FHOD3: variants seen among roughly 807,000 people sequenced by gnomAD.
FHOD3 encodes FH1/FH2 domain-containing protein 3.
FHOD3 carries 90 observed loss-of-function variants against 173.0 expected under a neutral mutation model. The ratio of observed to expected loss-of-function variants is 0.52; its 90% confidence interval spans 0.44 to 0.62. The LOEUF (loss-of-function observed/expected upper bound fraction) is 0.62, where lower values mean the gene tolerates loss of function less well. Among genes scored for constraint, FHOD3 ranks in the 20% least tolerant of loss-of-function variants. The probability of loss-of-function intolerance (pLI) is 0.00; values close to 1 mark genes in which losing one functional copy is unlikely to be tolerated. For missense variants in FHOD3, 1,945 were observed against 2,034.7 expected, an observed-to-expected ratio of 0.96 and a Z score of 0.85; for synonymous variants, 828 against 823.0, an observed-to-expected ratio of 1.01 and a Z score of -0.10.
intron 13 of FHOD3, among the ~76,000 whole-genome samples, chr18:36,654,155 C>T (rs946176114): frequency 6.6e-6 from 1 of 152,168 alleles, no homozygotes; most frequent in African/African-American, 2.4e-5. Context: ...GCCTGTGTTT[C>T]GGGGACCCCA....
chr18:36,584,316 A>G (rs2058954660), intron 6 of FHOD3, among the ~76,000 whole-genome samples: 3 of 152,184 alleles, frequency 2.0e-5, no homozygotes, highest in South Asian at 4.1e-4. Flanking sequence ...ATGGCGTGAA[A>G]GATTGTTTGT....
chr18:36,413,224 G>A (rs929128799), intron 3 of FHOD3, among the ~76,000 whole-genome samples: 1 of 152,206 alleles, frequency 6.6e-6, no homozygotes, highest in African/African-American at 2.4e-5. Flanking sequence ...CCTTGGTGAT[G>A]GGTGGACAGC....
intron 1 of FHOD3, among the ~76,000 whole-genome samples, chr18:36,310,622 G>T (rs2092231414): frequency 6.6e-6 from 1 of 151,466 alleles, no homozygotes. Flanking sequence ...GGGAGGTGGA[G>T]GTTGCAGTGA....
intron 4 of FHOD3, among the ~76,000 whole-genome samples, chr18:36,509,450 AAAG>A (rs1192975140): frequency 2.1e-5 from 3 of 145,136 alleles, no homozygotes; most frequent in African/African-American, 5.0e-5. Context: ...AAGAAAAAAA[AAAG>A]AAAACAGTAT....
At chr18:36,684,899 C>T (rs2038502489) in intron 15 of FHOD3, among the ~76,000 whole-genome samples, 2 of 152,112 alleles carry the variant, frequency 1.3e-5, no homozygotes, top group African/African-American at 2.4e-5. Context: ...ACCTCCCAGG[C>T]TCAGGTGATC....
At chr18:36,491,330 A>G (rs972099577) in intron 3 of FHOD3, among the ~76,000 whole-genome samples, 1 of 152,176 alleles carries the variant, frequency 6.6e-6, no homozygotes, top group African/African-American at 2.4e-5. Flanking sequence ...ATACCCCCTC[A>G]ACCTTCTCCA....
chr18:36,623,647 C>A (rs1026893322), intron 9 of FHOD3, among the ~76,000 whole-genome samples: 4 of 152,184 alleles, frequency 2.6e-5, no homozygotes, highest in Non-Finnish European at 5.9e-5. Context: ...TTGCCTCAAA[C>A]CTCCCAAAAT....
At chr18:36,303,646 A>C (rs187856601) in intron 1 of FHOD3, among the ~76,000 whole-genome samples, 5 of 150,460 alleles carry the variant, frequency 3.3e-5, no homozygotes, top group Admixed American at 1.3e-4. Context: ...TCCATATTTT[A>C]TCTCTCTCTG....
intron 9 of FHOD3, among the ~76,000 whole-genome samples, chr18:36,623,852 A>C (rs771228960): frequency 3.9e-5 from 6 of 152,214 alleles, no homozygotes; most frequent in Non-Finnish European, 5.9e-5. Flanking sequence ...TCAGGTGCTG[A>C]TATGTCCCTG....
chr18:36,414,949 A>G (rs560787048), intron 3 of FHOD3, among the ~76,000 whole-genome samples: 2 of 152,154 alleles, frequency 1.3e-5, no homozygotes, highest in Non-Finnish European at 2.9e-5. Context: ...TCTCTAGGCC[A>G]TTTTCTTGGG....
chr18:36,683,330 C>T (rs972886391), intron 15 of FHOD3, among the ~76,000 whole-genome samples: 4 of 152,154 alleles, frequency 2.6e-5, no homozygotes, highest in African/African-American at 9.7e-5. Flanking sequence ...TAGCTTACAT[C>T]CAAAGTGTTT....
chr18:36,378,596 C>CAAAA (rs764259858), intron 3 of FHOD3, among the ~76,000 whole-genome samples: 10 of 111,276 alleles, frequency 9.0e-5, no homozygotes, highest in African/African-American at 2.1e-4. Flanking sequence ...CCCTCTGCCA[C>CAAAA]AAAAAAAAAA....
At chr18:36,303,866 T>G (rs907603769) in intron 1 of FHOD3, among the ~76,000 whole-genome samples, 10 of 152,024 alleles carry the variant, frequency 6.6e-5, no homozygotes, top group African/African-American at 2.4e-4. Flanking sequence ...AGAAGATTTT[T>G]GGGGGTGAAG....
At chr18:36,597,409 A>ATTGTTT (rs1489977142) in intron 7 of FHOD3, among the ~76,000 whole-genome samples, 4 of 152,024 alleles carry the variant, frequency 2.6e-5, no homozygotes, top group East Asian at 3.9e-4. Flanking sequence ...TCTTAGCTTT[A>ATTGTTT]TTGTTTTTGT....
intron 28 of FHOD3, chr18:36,778,724 C>T (rs2043873192): frequency 6.6e-6 from 1 of 152,188 alleles, no homozygotes; most frequent in Non-Finnish European, 1.5e-5. Context: ...AGAAAACAGC[C>T]ACCAATTCCA....
chr18:36,587,135 A>G (rs1475734702), intron 6 of FHOD3, among the ~76,000 whole-genome samples: 2 of 152,138 alleles, frequency 1.3e-5, no homozygotes, highest in African/African-American at 2.4e-5. Flanking sequence ...AGGAATAGTC[A>G]TGTCTTTTCT....
intron 2 of FHOD3, among the ~76,000 whole-genome samples, chr18:36,359,546 C>T (rs1416399554): frequency 6.6e-6 from 1 of 152,134 alleles, no homozygotes. Flanking sequence ...AGCCACTTTA[C>T]CTCTGATAGG....
intron 6 of FHOD3, among the ~76,000 whole-genome samples, chr18:36,588,710 A>G (rs1478860469): frequency 6.6e-6 from 1 of 152,228 alleles, no homozygotes; most frequent in African/African-American, 2.4e-5. Context: ...AAAAGATGAA[A>G]GGACTTCCAG....
At chr18:36,617,857 G>A (rs1374046485) in intron 9 of FHOD3, among the ~76,000 whole-genome samples, 1 of 151,882 alleles carries the variant, frequency 6.6e-6, no homozygotes, top group African/African-American at 2.4e-5. Context: ...TATGGAAACT[G>A]GTCTGTTTAA....
Sources: allele counts gnomAD v4.1 joint callset (sites outside exome capture counted in the v4.1 genomes callset), GRCh38; gene constraint gnomAD v4.1.1; transcripts MANE v1.5; gene names NCBI Gene and HGNC (gene_info 2026-07-23, HGNC 2026-07-21).